PIP4K2A: variants seen among roughly 807,000 people sequenced by gnomAD.
PIP4K2A encodes the protein phosphatidylinositol 5-phosphate 4-kinase type-2 alpha.
PIP4K2A carries 14 observed loss-of-function variants against 42.9 expected under a neutral mutation model. The ratio of observed to expected loss-of-function variants is 0.33; its 90% CI spans 0.22 to 0.51. The LOEUF (loss-of-function observed/expected upper bound fraction) is 0.51, where lower values mean the gene tolerates loss of function less well. PIP4K2A is among the 20% of genes least tolerant of loss of function. PIP4K2A has a pLI of 0.97. For missense variants in PIP4K2A, 434 were observed against 519.8 expected, an observed-to-expected ratio of 0.83 and a Z score of 1.61; for synonymous variants, 192 against 192.2, an observed-to-expected ratio of 1.00 and a Z score of 0.01.
At chr10:22,562,549 G>A (rs1287222722) in intron 6 of PIP4K2A, among the ~76,000 whole-genome samples, 2 of 151,418 alleles carry the variant, frequency 1.3e-5, no homozygotes, top group Middle Eastern at 3.2e-3. Context: ...ACTCCGTCTC[G>A]AAAAAAAACA....
intron 4 of PIP4K2A, 85 bp downstream of exon 4, chr10:22,591,544 A>T (rs1588648006): frequency 9.8e-7 from 1 of 1,021,468 alleles, no homozygotes; most frequent in African/African-American, 1.6e-5. Context: ...TTCTCTAACT[A>T]TATATTTAAA....
chr10:22,560,911 T>G (rs1836675892), intron 6 of PIP4K2A, among the ~76,000 whole-genome samples: 1 of 152,346 alleles, frequency 6.6e-6, no homozygotes, highest in East Asian at 1.9e-4. Context: ...TGAGTCCAGT[T>G]ATGTTTTCTT....
intron 4 of PIP4K2A, 134 bp from the exon 5 acceptor site, chr10:22,573,591 G>A: frequency 2.9e-6 from 2 of 686,682 alleles, no homozygotes; most frequent in South Asian, 4.1e-5. Context: ...TACAGAAAAT[G>A]ACCACATTTG....
chr10:22,552,554 C>G lies in PIP4K2A; in HGVS notation c.679-1782G>C, dbSNP rs530414156. 5.3e-5 allele frequency among the ~76,000 whole-genome samples: 8 copies of G among 152,226 alleles called. No individual in the cohort carries two copies. In the South Asian group the frequency reaches 1.5e-3, roughly 28 times the overall value. On this transcript the variant is annotated intron_variant, in intron 6 of 9. Transcript: ENST00000376573. ...TTCATCACACTAGATTATAAGGTTT[C>G]TCTCCTATTAGAACTGTAAACATAA...
At chr10:22,590,852 G>C (rs1228557120) in intron 4 of PIP4K2A, among the ~76,000 whole-genome samples, 3 of 152,160 alleles carry the variant, frequency 2.0e-5, no homozygotes, top group African/African-American at 7.2e-5. Flanking sequence ...CCTGGCAACA[G>C]AGCAAGACCC....
chr10:22,646,958 CAAAAA>C (rs569143064), intron 1 of PIP4K2A, among the ~76,000 whole-genome samples: 166 of 144,062 alleles, frequency 1.2e-3, no homozygotes, highest in African/African-American at 3.9e-3. Context: ...CAAAACAAAA[CAAAAA>C]AAAACAAACC....
Position 22,658,583 on chromosome 10 carries a change from T to G in PIP4K2A, c.145-48866A>C, listed in dbSNP as rs539546765. ...AGAACTGCAATTAGAAGCTATTCTATACCTGCTTTTTTAAAAAATGTAAAG... is the reference window on the plus strand; with the variant it reads ...AGAACTGCAATTAGAAGCTATTCTAGACCTGCTTTTTTAAAAAATGTAAAG... On this transcript the variant is annotated intron_variant, in intron 1 of 9. Transcript: ENST00000376573. 1.7e-3 allele frequency among the ~76,000 whole-genome samples: 257 copies of G among 152,338 alleles called. 1 individual carries two copies. Among genetic ancestry groups the G allele is most frequent in the African/African-American group, 6.1e-3 (253 of 41,572 alleles).
At chr10:22,661,134 C>G (rs1839197527) in intron 1 of PIP4K2A, among the ~76,000 whole-genome samples, 1 of 152,182 alleles carries the variant, frequency 6.6e-6, no homozygotes, top group African/African-American at 2.4e-5. Context: ...TTCAGTTAAT[C>G]CACATTGTTA....
intron 1 of PIP4K2A, among the ~76,000 whole-genome samples, chr10:22,630,222 G>C (rs999747781): frequency 4.6e-5 from 7 of 150,936 alleles, no homozygotes; most frequent in African/African-American, 1.7e-4. Context: ...TGTGGTCCCA[G>C]TTATTTGGAG....
At chr10:22,614,067 G>A (rs1228040666) in intron 1 of PIP4K2A, among the ~76,000 whole-genome samples, 5 of 152,188 alleles carry the variant, frequency 3.3e-5, no homozygotes, top group Non-Finnish European at 5.9e-5. Context: ...TGTGGGTGAC[G>A]GGCTTCTTGG....
chr10:22,606,323 G>A (rs1462490224), intron 3 of PIP4K2A, among the ~76,000 whole-genome samples: 3 of 152,044 alleles, frequency 2.0e-5, no homozygotes, highest in Admixed American at 6.6e-5. Context: ...GAAAAAAAAA[G>A]AAACGCCCTA....
At chr10:22,704,763 G>C (rs946851334) in intron 1 of PIP4K2A, among the ~76,000 whole-genome samples, 2 of 152,100 alleles carry the variant, frequency 1.3e-5, no homozygotes, top group African/African-American at 2.4e-5. Flanking sequence ...TTTCAAGATG[G>C]GCGGCCCCGG....
intron 1 of PIP4K2A, among the ~76,000 whole-genome samples, chr10:22,661,357 T>TA (rs1554806860): frequency 6.8e-6 from 1 of 148,038 alleles, no homozygotes; most frequent in Non-Finnish European, 1.5e-5. Flanking sequence ...GCCTTTTTTT[T>TA]TTTTTTTTTT....
chr10:22,599,469 C>T (rs1223911021), intron 3 of PIP4K2A, among the ~76,000 whole-genome samples: 1 of 152,218 alleles, frequency 6.6e-6, no homozygotes, highest in Non-Finnish European at 1.5e-5. Flanking sequence ...CCTAGACACA[C>T]TCATCCACCA....
intron 4 of PIP4K2A, among the ~76,000 whole-genome samples, chr10:22,587,546 T>C (rs1307669464): frequency 6.6e-6 from 1 of 152,172 alleles, no homozygotes. Flanking sequence ...ATACCTCAAA[T>C]ACCTCTGAGC....
chr10:22,674,551 G>A (rs1839518347), intron 1 of PIP4K2A, among the ~76,000 whole-genome samples: 1 of 151,834 alleles, frequency 6.6e-6, no homozygotes, highest in Admixed American at 6.6e-5. Context: ...GTTAGGTGTA[G>A]TTCTTTAACT....
intron 1 of PIP4K2A, among the ~76,000 whole-genome samples, chr10:22,687,048 T>C (rs1447369882): frequency 6.6e-6 from 1 of 152,080 alleles, no homozygotes; most frequent in Non-Finnish European, 1.5e-5. Flanking sequence ...ATTAAGTTCT[T>C]ATACATTAAA....
chr10:22,606,009 T>C (rs1201401433), intron 3 of PIP4K2A, among the ~76,000 whole-genome samples: 1 of 152,084 alleles, frequency 6.6e-6, no homozygotes, highest in Admixed American at 6.6e-5. Flanking sequence ...AAATTTCAAG[T>C]CCATAATTGT....
At chr10:22,561,315 T>C (rs1836688237) in intron 6 of PIP4K2A, among the ~76,000 whole-genome samples, 1 of 152,234 alleles carries the variant, frequency 6.6e-6, no homozygotes, top group South Asian at 2.1e-4. Flanking sequence ...ATATAACTTA[T>C]TTCCTTCAGT....
Sources: gnomAD v4.1 joint callset for allele counts (sites outside exome capture counted in the v4.1 genomes callset) on GRCh38, gnomAD v4.1.1 for gene constraint, MANE v1.5 for transcripts, NCBI Gene and HGNC (gene_info 2026-07-23, HGNC 2026-07-21) for gene names.